SYTL5: variants seen among roughly 807,000 people sequenced by gnomAD.
SYTL5 encodes the protein synaptotagmin like 5.
Under a neutral mutation model 55.9 loss-of-function variants are expected in SYTL5, and 34 were observed. The ratio of observed to expected loss-of-function variants is 0.61; its 90% CI spans 0.46 to 0.81. The LOEUF (loss-of-function observed/expected upper bound fraction) is 0.81, where lower values mean the gene tolerates loss of function less well. Ranked by LOEUF, SYTL5 falls within the 30% of genes least tolerant of loss-of-function variation. The pLI, the probability that SYTL5 is intolerant of heterozygous loss-of-function variation, is 0.00. For synonymous variants in SYTL5, 221 were observed against 188.7 expected (o/e 1.17, Z -1.40); for missense variants, 637 against 546.7 (o/e 1.17, Z -1.65).
At chrX:37,958,163 C>T in the SYTL5 span, among the ~76,000 whole-genome samples, 1 of 107,860 alleles carries the variant, frequency 9.3e-6, no homozygotes, top group African/African-American at 3.4e-5. Context: ...GAGCTGAGAT[C>T]GTGCCACTGC....
intron 12 of SYTL5, among the ~76,000 whole-genome samples, chrX:38,109,047 A>G (rs760201598): frequency 6.1e-4 from 68 of 112,078 alleles, no homozygotes; most frequent in African/African-American, 2.0e-3. Flanking sequence ...CACAGTTTTG[A>G]CACTACTTAA....
At chrX:38,091,631 A>G (rs183862886) in intron 7 of SYTL5, among the ~76,000 whole-genome samples, 1 of 111,800 alleles carries the variant, frequency 8.9e-6, no homozygotes, top group African/African-American at 3.3e-5. Context: ...GACTGGGAGT[A>G]GTGCTGTTTA....
At chrX:37,975,257 C>T in the SYTL5 span, among the ~76,000 whole-genome samples, 1 of 111,719 alleles carries the variant, frequency 9.0e-6, no homozygotes, top group Non-Finnish European at 1.9e-5. Context: ...CTGTCATTGG[C>T]TGAGAGCTCC....
At chrX:37,963,510 G>A in the SYTL5 span, among the ~76,000 whole-genome samples, 3 of 111,099 alleles carry the variant, frequency 2.7e-5, no homozygotes, top group African/African-American at 6.5e-5. Context: ...GGCTGGTGTC[G>A]GTCTCCTGAC....
chrX:38,076,145 T>G (rs1014537272), intron 5 of SYTL5, among the ~76,000 whole-genome samples: 5 of 112,148 alleles, frequency 4.5e-5, no homozygotes, highest in African/African-American at 1.6e-4. Context: ...GTCACTGCTC[T>G]CATGGAGCTG....
chrX:37,992,168 G>T, the SYTL5 span, among the ~76,000 whole-genome samples: 1 of 112,861 alleles, frequency 8.9e-6, no homozygotes. Flanking sequence ...GTTTTAAGAG[G>T]TATAGAAATA....
the SYTL5 span, among the ~76,000 whole-genome samples, chrX:37,951,639 A>G: frequency 0.015 from 1,632 of 111,163 alleles, 16 homozygotes; most frequent in Middle Eastern, 0.028. Flanking sequence ...GGAGAGGCCC[A>G]GGGATTGCTT....
chrX:37,893,896 A>T, the SYTL5 span, among the ~76,000 whole-genome samples: 1 of 106,988 alleles, frequency 9.3e-6, no homozygotes, highest in South Asian at 4.0e-4. Flanking sequence ...TGTAACCACA[A>T]TTCACAATTC....
At chrX:37,995,604 CAGGA>C in the SYTL5 span, among the ~76,000 whole-genome samples, 1 of 111,991 alleles carries the variant, frequency 8.9e-6, no homozygotes, top group East Asian at 2.8e-4. Context: ...CCAGCATCTA[CAGGA>C]AGGAAGTCTC....
At chrX:37,960,766 T>TTTTA in the SYTL5 span, among the ~76,000 whole-genome samples, 955 of 80,805 alleles carry the variant, frequency 0.012, 14 homozygotes, top group South Asian at 0.019. Flanking sequence ...TCCAGATTAT[T>TTTTA]TTTATTTATT....
the SYTL5 span, among the ~76,000 whole-genome samples, chrX:37,974,192 A>G: frequency 8.9e-6 from 1 of 112,008 alleles, no homozygotes; most frequent in Admixed American, 9.5e-5. Context: ...ATAAATGTCT[A>G]TCAGCTAATG....
chrX:38,106,675 A>T lies in SYTL5; in HGVS notation c.1238A>T (p.His413Leu). The change falls in exon 11 of 17, where the codon CAT (histidine) becomes CTT (leucine). Residue 413 changes from histidine (H) to leucine (L), a missense_variant. Transcript: ENST00000297875. ...NVKVSGEILLHISYCYKTGGL... is the reference protein window; with the variant it reads ...NVKVSGEILLLISYCYKTGGL... Reference sequence around the variant, plus strand: ...AAAGTCAGTGGTGAAATCCTTCTCCATATCAGCTACTGCTACAAAACTGGT... The same window carrying T: ...AAAGTCAGTGGTGAAATCCTTCTCCTTATCAGCTACTGCTACAAAACTGGT... 1 of 1,210,033 alleles carries T rather than the reference A, an allele frequency of 8.3e-7. No individual in the cohort carries two copies. The highest frequency in any genetic ancestry group is 1.1e-6 in the Non-Finnish European group (1 of 894,602).
At chrX:37,972,548 G>A in the SYTL5 span, among the ~76,000 whole-genome samples, 1 of 111,146 alleles carries the variant, frequency 9.0e-6, no homozygotes, top group Admixed American at 9.5e-5. Context: ...GGCCCCATAT[G>A]TTTTGGGAGC....
chrX:37,982,618 A>T, the SYTL5 span, among the ~76,000 whole-genome samples: 1 of 111,964 alleles, frequency 8.9e-6, no homozygotes, highest in African/African-American at 3.2e-5. Flanking sequence ...AATGTATGTC[A>T]TACATGTAGT....
chrX:37,943,925 C>A, the SYTL5 span, among the ~76,000 whole-genome samples: 1 of 111,299 alleles, frequency 9.0e-6, no homozygotes, highest in African/African-American at 3.3e-5. Flanking sequence ...TCCAGACCTA[C>A]CCCTTTATTT....
chrX:37,936,459 G>T, the SYTL5 span, among the ~76,000 whole-genome samples: 1 of 111,982 alleles, frequency 8.9e-6, no homozygotes, highest in Non-Finnish European at 1.9e-5. Context: ...AGGCTGAGGA[G>T]TTCATATGAT....
intron 3 of SYTL5, among the ~76,000 whole-genome samples, chrX:38,069,306 C>T (rs1415265735): frequency 1.8e-5 from 2 of 112,277 alleles, no homozygotes; most frequent in African/African-American, 3.2e-5. Flanking sequence ...GGAGCTCAAA[C>T]GAGTTTGACT....
intron 6 of SYTL5, among the ~76,000 whole-genome samples, chrX:38,087,274 G>A (rs180875556): frequency 3.8e-4 from 42 of 111,980 alleles, no homozygotes; most frequent in African/African-American, 1.2e-3. Flanking sequence ...TATGGTCACA[G>A]TACAGCATCA....
chrX:38,080,025 G>A (rs1423390195), intron 6 of SYTL5, among the ~76,000 whole-genome samples: 2 of 111,542 alleles, frequency 1.8e-5, no homozygotes, highest in African/African-American at 3.3e-5. Flanking sequence ...GTTTAACTGC[G>A]AGTTCTGTAT....
Sources: allele counts gnomAD v4.1 joint callset (sites outside exome capture counted in the v4.1 genomes callset), GRCh38; gene constraint gnomAD v4.1.1; transcripts MANE v1.5; gene names NCBI Gene and HGNC (gene_info 2026-07-23, HGNC 2026-07-21).